GAD1: variants seen among roughly 807,000 people sequenced by gnomAD.
The protein encoded by GAD1 is glutamate decarboxylase 1.
Under a neutral mutation model 75.2 loss-of-function variants are expected in GAD1, and 35 were observed. That is an observed-to-expected ratio of 0.47 (90% CI 0.36 to 0.62). GAD1 has a LOEUF of 0.62. GAD1 is among the 20% of genes least tolerant of loss of function. GAD1 has a pLI of 0.00. For missense variants in GAD1, 490 were observed against 758.5 expected, an observed-to-expected ratio of 0.65 and a Z score of 4.16; for synonymous variants, 257 against 271.9, an observed-to-expected ratio of 0.95 and a Z score of 0.54.
chr2:170,842,230 C>G (rs377273007), intron 6 of GAD1, among the ~76,000 whole-genome samples: 6 of 152,136 alleles, frequency 3.9e-5, no homozygotes, highest in African/African-American at 1.4e-4. Flanking sequence ...TCTCCCTTGT[C>G]CATGTGGTTC....
intron 2 of GAD1, among the ~76,000 whole-genome samples, chr2:170,819,285 C>A (rs965753239): frequency 3.0e-5 from 3 of 98,514 alleles, no homozygotes; most frequent in African/African-American, 9.9e-5. Flanking sequence ...TTAATTACAT[C>A]TCAGAGAAAT....
chr2:170,840,846 C>T (rs1702501718), intron 6 of GAD1, among the ~76,000 whole-genome samples: 1 of 152,118 alleles, frequency 6.6e-6, no homozygotes, highest in African/African-American at 2.4e-5. Flanking sequence ...GAACAGCAAC[C>T]CTAAATAAAA....
chr2:170,844,078 C>T lies in GAD1; in HGVS notation c.672C>T (p.Leu224=), dbSNP rs369730580. ...FTYEIAPVFV[L]MEQITLKKMR... ...ATGAAATTGCACCAGTGTTTGTCCT[C>T]ATGGAACAAATAACACTTAAGAAGA... The change falls in exon 7 of 17, where the codon CTC becomes CTT. Residue 224 remains leucine (L), a synonymous_variant. Coordinates refer to ENST00000358196, the MANE Select transcript of GAD1 (RefSeq NM_000817.3). 26 of 1,608,208 alleles carry T rather than the reference C, an allele frequency of 1.6e-5. No homozygotes were observed. The highest frequency in any genetic ancestry group is 2.0e-5 in the Non-Finnish European group (23 of 1,174,856).
At chr2:170,856,269 C>T (rs1449009910) in intron 14 of GAD1, among the ~76,000 whole-genome samples, 2 of 152,216 alleles carry the variant, frequency 1.3e-5, no homozygotes, top group African/African-American at 4.8e-5. Flanking sequence ...GCTTTTGAAA[C>T]TCATGCTCAA....
chr2:170,818,479 G>A lies in GAD1; in HGVS notation c.-63-50G>A, dbSNP rs1701772916. On this transcript the variant is annotated intron_variant, in intron 1 of 16. Coordinates refer to ENST00000358196, the MANE Select transcript of GAD1 (RefSeq NM_000817.3). This position sits in a 1 kb window ranked among gnomAD's most constrained non-coding sequence, Gnocchi z 5.9. ...CCCCCGGCTGCTCAGTCCCTCCGGT[G>A]TGCAGGACCCCGGAAGTCCTCCCCG... The A allele has an allele frequency of 1.0e-6, 1 of 970,980 alleles. No individual in the cohort carries two copies. The highest frequency in any genetic ancestry group is 1.6e-5 in the African/African-American group (1 of 62,696). The allele number at this position is 970,980 out of a possible 1,614,324, so 60.1% of individuals were successfully genotyped here.
Position 170,818,273 on chromosome 2 carries a change from C to T in GAD1, c.-63-256C>T. On this transcript the variant is annotated intron_variant, in intron 1 of 16. Coordinates refer to ENST00000358196, the MANE Select transcript of GAD1 (RefSeq NM_000817.3). This position sits in a 1 kb window ranked among gnomAD's most constrained non-coding sequence, Gnocchi z 5.9. The stretch of plus-strand genomic sequence containing the variant: ...CTCGTCTCGGCGCTTCACTCCAGGT[C>T]GCGCCGATGCACCGCCAGACTCGAG... 3.4e-6 allele frequency: 1 copy of T among 290,712 alleles called. No homozygotes were observed. The highest frequency in any genetic ancestry group is 1.3e-3 in the Middle Eastern group (1 of 782). 18.0% of individuals were successfully genotyped at this position (290,712 alleles called of 1,614,324 possible). A position where few individuals can be genotyped will look rare whatever the true frequency, so the allele number is the denominator to read the frequency against.
Position 170,853,789 on chromosome 2 carries a change from C to T in GAD1, c.1264-84C>T. 1 of 1,392,732 alleles carries T rather than the reference C, an allele frequency of 7.2e-7. No homozygotes were observed. The highest frequency in any genetic ancestry group is 1.0e-6 in the Non-Finnish European group (1 of 980,446). 86.3% of individuals were successfully genotyped at this position (1,392,732 alleles called of 1,614,324 possible). A position where few individuals can be genotyped will look rare whatever the true frequency, so the allele number is the denominator to read the frequency against. ...GAAAGATTGCATATGACCCCAAGCC[C>T]CTCCTTCCAAGCAGCCTAGTTTTAA... On this transcript the variant is annotated intron_variant, in intron 13 of 16. Transcript: ENST00000358196. This position sits in a 1 kb window ranked among gnomAD's most constrained non-coding sequence, Gnocchi z 4.1.
At position 170,819,844 on chromosome 2, in the gene GAD1, A is replaced by G. The variant is rs534396178; in HGVS notation, c.82+1171A>G. 2.2e-4 allele frequency among the ~76,000 whole-genome samples: 33 copies of G among 152,330 alleles called. No individual in the cohort carries two copies. The East Asian group carries it at 6.0e-3, about 28-fold the overall frequency. ...GAGAAAATAAGTATCCTCATCAATG[A>G]AGTGGGGATTATTACCGGAAAGCCC... On this transcript the variant is annotated intron_variant, in intron 2 of 16. Coordinates refer to ENST00000358196, the MANE Select transcript of GAD1 (RefSeq NM_000817.3).
chr2:170,813,941 C>T (rs1701653834), upstream of GAD1, among the ~76,000 whole-genome samples: 2 of 152,098 alleles, frequency 1.3e-5, no homozygotes, highest in Admixed American at 6.5e-5. Context: ...CTTTGAGCGC[C>T]GCGTTCCCAT....
rs182237109 is a variant in GAD1 at position 170,827,459 on chromosome 2, C to T, written c.146-2016C>T. Among the ~76,000 whole-genome samples the T allele has an allele frequency of 1.6e-3, 243 of 152,334 alleles. 1 individual carries two copies. The highest frequency in any genetic ancestry group is 2.5e-3 in the Non-Finnish European group (171 of 68,024). On this transcript the variant is annotated intron_variant, in intron 3 of 16. Coordinates refer to ENST00000358196, the MANE Select transcript of GAD1 (RefSeq NM_000817.3). ...GAAGCCAAAGGAAAGAGCAGACGTG[C>T]GGGCCAGGAGCCCCACAGGGGATGG...
chr2:170,831,594 ATGTGTGTGTGTGTGTGTGTGTGTGTGTG>A (rs370649454), intron 5 of GAD1, among the ~76,000 whole-genome samples: 1 of 122,804 alleles, frequency 8.1e-6, no homozygotes, highest in Admixed American at 8.9e-5. Context: ...GTCTCTACAT[ATGTGTGTGTGTGTGTGTGTGTGTGTGTG>A]TGTGTGTGTG....
Position 170,818,607 on chromosome 2 carries a change from C to T in GAD1, c.16C>T (p.Pro6Ser). Residue 6 changes from proline to serine, a missense_variant, in exon 2 of 17, where the codon CCA (proline) becomes TCA (serine). Physicochemically the swap from Pro to Ser is moderately conservative, Grantham distance 74. Coordinates refer to ENST00000358196, the MANE Select transcript of GAD1 (RefSeq NM_000817.3). The surrounding 1 kb of genome is among the most constrained non-coding windows in gnomAD (Gnocchi z 5.9). Reference sequence around the variant, plus strand: ...GACCGAGCTGATGGCGTCTTCGACCCCATCTTCGTCCGCAACCTCCTCGAA... The same window carrying T: ...GACCGAGCTGATGGCGTCTTCGACCTCATCTTCGTCCGCAACCTCCTCGAA... MASST[P>S]SSSATSSNAG... 1 of 1,614,148 alleles carries T rather than the reference C, an allele frequency of 6.2e-7. No homozygotes were observed. Among genetic ancestry groups the T allele is most frequent in the South Asian group, 1.1e-5 (1 of 91,082 alleles).
At chr2:170,856,991 C>T in intron 14 of GAD1, 27 bp from the exon 15 acceptor site, 1 of 1,588,600 alleles carries the variant, frequency 6.3e-7, no homozygotes, top group Non-Finnish European at 8.6e-7. Context: ...AATGCAACCA[C>T]AAACATGACT....
intron 6 of GAD1, chr2:170,842,575 A>G: frequency 6.2e-7 from 1 of 1,613,996 alleles, no homozygotes; most frequent in Non-Finnish European, 8.5e-7. Flanking sequence ...TCAGGCCATC[A>G]GACATGAGGG....
chr2:170,838,479 A>G (rs1702425697), intron 6 of GAD1, among the ~76,000 whole-genome samples: 1 of 152,204 alleles, frequency 6.6e-6, no homozygotes, highest in African/African-American at 2.4e-5. Flanking sequence ...GTTGTTTTTA[A>G]CTCAACCATT....
Position 170,853,733 on chromosome 2 carries a change from A to G in GAD1, c.1264-140A>G, listed in dbSNP as rs1258260856. The G allele has an allele frequency of 2.5e-6, 2 of 793,618 alleles. No individual in the cohort carries two copies. Among genetic ancestry groups the G allele is most frequent in the Non-Finnish European group, 4.3e-6 (2 of 462,890 alleles). The allele number at this position is 793,618 out of a possible 1,614,324, so 49.2% of individuals were successfully genotyped here. Reference sequence around the variant, plus strand: ...AGTGATTTTAGAAAAGGGCATCAGAACAAGTGTAAGGCCTCATAAAGACAT... The same window carrying G: ...AGTGATTTTAGAAAAGGGCATCAGAGCAAGTGTAAGGCCTCATAAAGACAT... On this transcript the variant is annotated intron_variant, in intron 13 of 16. Coordinates refer to ENST00000358196, the MANE Select transcript of GAD1 (RefSeq NM_000817.3). The surrounding 1 kb of genome is among the most constrained non-coding windows in gnomAD (Gnocchi z 4.1).
chr2:170,855,380 A>G (rs1702829287), intron 14 of GAD1, among the ~76,000 whole-genome samples: 1 of 151,350 alleles, frequency 6.6e-6, no homozygotes, highest in Admixed American at 6.6e-5. Flanking sequence ...ATCTAATTTT[A>G]TATTTTTACT....
At chr2:170,837,381 T>A (rs192525643) in intron 6 of GAD1, among the ~76,000 whole-genome samples, 1 of 152,262 alleles carries the variant, frequency 6.6e-6, no homozygotes, top group African/African-American at 2.4e-5. Context: ...AAATAAGTGA[T>A]TGTTTTTCTA....
intron 5 of GAD1, 93 bp from the exon 6 acceptor site, chr2:170,836,700 C>A: frequency 1.2e-6 from 1 of 843,700 alleles, no homozygotes; most frequent in Non-Finnish European, 2.1e-6. Flanking sequence ...GGATGGAAGC[C>A]CCATCAGTGT....
Sources: gnomAD v4.1 joint callset for allele counts (sites outside exome capture counted in the v4.1 genomes callset) on GRCh38, gnomAD v4.1.1 for gene constraint, Gnocchi (gnomAD v3.1) non-coding constraint, MANE v1.5 for transcripts, NCBI Gene and HGNC (gene_info 2026-07-23, HGNC 2026-07-21) for gene names.